Variants in EDRF1 observed in about 807,000 individuals in gnomAD.
EDRF1 encodes the protein erythroid differentiation-related factor 1.
Under a neutral mutation model 148.7 loss-of-function variants are expected in EDRF1, and 69 were observed. The ratio of observed to expected loss-of-function variants is 0.46; its 90% confidence interval spans 0.38 to 0.57. The LOEUF is 0.57. Ranked by LOEUF, EDRF1 falls within the 20% of genes least tolerant of loss-of-function variation. EDRF1 has a pLI of 0.00. For synonymous variants in EDRF1, 515 were observed against 532.8 expected (o/e 0.97, Z 0.46); for missense variants, 1,118 against 1,478.7 (o/e 0.76, Z 4.00).
intron 24 of EDRF1, among the ~76,000 whole-genome samples, chr10:125,759,904 G>C (rs1019810179): frequency 6.6e-6 from 1 of 152,090 alleles, no homozygotes; most frequent in East Asian, 1.9e-4. Context: ...TAGAGACGGG[G>C]TTTCACCGTG....
At chr10:125,759,835 C>G (rs1850105166) in intron 24 of EDRF1, among the ~76,000 whole-genome samples, 1 of 152,052 alleles carries the variant, frequency 6.6e-6, no homozygotes, top group South Asian at 2.1e-4. Flanking sequence ...CTCAGCCTCC[C>G]GAGTAGCTGG....
chr10:125,759,629 T>TA (rs1181461113), intron 24 of EDRF1, among the ~76,000 whole-genome samples: 1 of 151,062 alleles, frequency 6.6e-6, no homozygotes. Flanking sequence ...CCCAACTCTT[T>TA]AAAAAAAAGA....
Position 125,752,363 on chromosome 10 carries a change from T to G in EDRF1, c.3278-436T>G, listed in dbSNP as rs113100304. ...AAATTGTAGTTAGAAGGCTCTAGAA[T>G]AAAACAAAACCTTGTTCATCTGGTC... On this transcript the variant is annotated intron_variant, in intron 22 of 24. Transcript: ENST00000356792. Among the ~76,000 whole-genome samples the G allele has an allele frequency of 5.1e-4, 78 of 152,332 alleles. 1 individual carries two copies. The highest frequency in any genetic ancestry group is 1.8e-3 in the African/African-American group (76 of 41,586).
chr10:125,743,942 G>A (rs1178193407), intron 18 of EDRF1, among the ~76,000 whole-genome samples: 1 of 152,156 alleles, frequency 6.6e-6, no homozygotes, highest in Non-Finnish European at 1.5e-5. Context: ...AGTAAGATGT[G>A]AGATGGTAAA....
At chr10:125,748,270 G>T in intron 21 of EDRF1, 1 of 530,880 alleles carries the variant, frequency 1.9e-6, no homozygotes, top group Non-Finnish European at 3.4e-6. Context: ...ACTTAACATC[G>T]TGTTTTTGAG....
At chr10:125,719,982 G>A (rs1359338807) in intron 1 of EDRF1, 67 bp downstream of exon 1, 12 of 1,439,228 alleles carry the variant, frequency 8.3e-6, no homozygotes, top group Non-Finnish European at 9.7e-7. Flanking sequence ...ACCGGGGAGG[G>A]ATGCCACGGT....
At chr10:125,730,238 T>G (rs1274928922) in intron 8 of EDRF1, 50 bp from the exon 9 acceptor site, 1 of 1,387,292 alleles carries the variant, frequency 7.2e-7, no homozygotes. Flanking sequence ...GATGATTAAT[T>G]AAGGAACATC....
intron 24 of EDRF1, chr10:125,756,950 C>A: frequency 1.3e-5 from 5 of 398,278 alleles, no homozygotes; most frequent in Non-Finnish European, 2.0e-5. Context: ...GTAGCTGGGA[C>A]CACGGGTGTG....
intron 18 of EDRF1, among the ~76,000 whole-genome samples, chr10:125,743,719 G>A (rs1849158713): frequency 6.6e-6 from 1 of 152,200 alleles, no homozygotes; most frequent in Non-Finnish European, 1.5e-5. Context: ...GGAAAGTGTT[G>A]TTGAGCAGGG....
chr10:125,739,637 A>G (rs979621767), intron 15 of EDRF1, among the ~76,000 whole-genome samples: 7 of 152,262 alleles, frequency 4.6e-5, no homozygotes, highest in African/African-American at 1.4e-4. Context: ...ACCATAATGA[A>G]GACTAAGTAC....
At position 125,733,439 on chromosome 10, in the gene EDRF1, T is replaced by C; in HGVS notation, c.1164T>C (p.Asn388=). ...YEMIKTEEIP[N]LENSNFSTKV... ...TGATAAAGACAGAAGAAATTCCCAA[T>C]TTGGAAAATTCTAATTTTTCTACTA... is the stretch of plus-strand genomic sequence containing the variant. Residue 388 remains asparagine, a synonymous_variant, in exon 10 of 25, where the codon AAT becomes AAC. Transcript: ENST00000356792. The C allele has an allele frequency of 6.3e-7, 1 of 1,589,140 alleles. No individual in the cohort carries two copies. The highest frequency in any genetic ancestry group is 8.6e-7 in the Non-Finnish European group (1 of 1,161,236).
chr10:125,761,125 A>G (rs1850171298), intron 24 of EDRF1: 6 of 288,198 alleles, frequency 2.1e-5, no homozygotes, highest in South Asian at 1.5e-4. Flanking sequence ...AAAAAAATAA[A>G]CAAGGCTTAA....
chr10:125,721,528 A>G, intron 2 of EDRF1, 116 bp downstream of exon 2: 1 of 997,470 alleles, frequency 1.0e-6, no homozygotes, highest in Non-Finnish European at 1.5e-6. Flanking sequence ...TCTTTAGAGA[A>G]AGATCACATT....
Position 125,749,493 on chromosome 10 carries a change from C to T in EDRF1, c.3205C>T (p.Leu1069=), listed in dbSNP as rs1589863305. 1 of 1,614,186 alleles carries T rather than the reference C, an allele frequency of 6.2e-7. No individual in the cohort carries two copies. Among genetic ancestry groups the T allele is most frequent in the Middle Eastern group, 1.6e-4 (1 of 6,062 alleles). Residue 1069 remains leucine (L), a synonymous_variant, in exon 22 of 25, where the codon CTG becomes TTG. Transcript: ENST00000356792. ...CAAGGCCGCAAAGCTGTTTCAGCTG[C>T]TGAAAGATGCTCCCTGCGAACTGCT... ...YSKAAKLFQL[L]KDAPCELLRV... is the part of the protein sequence containing the mutation.
intron 12 of EDRF1, among the ~76,000 whole-genome samples, chr10:125,735,060 T>G (rs1463442775): frequency 6.6e-6 from 1 of 152,154 alleles, no homozygotes; most frequent in Non-Finnish European, 1.5e-5. Context: ...AGTGGTTTAT[T>G]TGGATGTTAG....
chr10:125,759,791 AG>A (rs1416516032), intron 24 of EDRF1, among the ~76,000 whole-genome samples: 1 of 151,984 alleles, frequency 6.6e-6, no homozygotes, highest in African/African-American at 2.4e-5. Context: ...GCTCACTGCA[AG>A]CTCCGCCTCC....
At chr10:125,727,708 G>A (rs148263676) in intron 6 of EDRF1, among the ~76,000 whole-genome samples, 1 of 152,302 alleles carries the variant, frequency 6.6e-6, no homozygotes, top group East Asian at 1.9e-4. Context: ...AAGCCTACTG[G>A]CACACACAGA....
chr10:125,740,700 C>T, intron 16 of EDRF1, 49 bp downstream of exon 16: 1 of 1,566,386 alleles, frequency 6.4e-7, no homozygotes, highest in East Asian at 2.2e-5. Context: ...GAAGAGAGAA[C>T]AGAGAAGGCA....
chr10:125,740,954 T>C (rs575929898), intron 16 of EDRF1, 47 bp from the exon 17 acceptor site: 1 of 1,576,018 alleles, frequency 6.3e-7, no homozygotes. Flanking sequence ...GATCATTAAT[T>C]TTTTTCTGCA....
Sources: gnomAD v4.1 joint callset for allele counts (sites outside exome capture counted in the v4.1 genomes callset) on GRCh38, gnomAD v4.1.1 for gene constraint, MANE v1.5 for transcripts, NCBI Gene and HGNC (gene_info 2026-07-23, HGNC 2026-07-21) for gene names.